GOLT1A: variants seen among roughly 807,000 people sequenced by gnomAD.
GOLT1A encodes the protein golgi transport 1A.
GOLT1A carries 10 observed loss-of-function variants against 16.1 expected under a neutral mutation model. The ratio of observed to expected loss-of-function variants is 0.62; its 90% CI spans 0.38 to 1.05. The LOEUF (loss-of-function observed/expected upper bound fraction) is 1.05, where lower values mean the gene tolerates loss of function less well. Ranked by LOEUF, GOLT1A falls within the 50% of genes least tolerant of loss-of-function variation. The probability of loss-of-function intolerance (pLI) is 0.01; values close to 1 mark genes in which losing one functional copy is unlikely to be tolerated. For missense variants in GOLT1A, 137 were observed against 165.7 expected (o/e 0.83, Z 0.95); for synonymous variants, 60 against 67.9 (o/e 0.88, Z 0.57).
At chr1:204,205,174 T>C (rs1391596070) in intron 1 of GOLT1A, among the ~76,000 whole-genome samples, 1 of 152,242 alleles carries the variant, frequency 6.6e-6, no homozygotes, top group Non-Finnish European at 1.5e-5. Context: ...TGTAGTCTGA[T>C]TGATGTCTTT....
At chr1:204,206,078 A>C (rs935019872) in intron 1 of GOLT1A, among the ~76,000 whole-genome samples, 1 of 152,224 alleles carries the variant, frequency 6.6e-6, no homozygotes, top group African/African-American at 2.4e-5. Flanking sequence ...CTCAAAAAAA[A>C]AGAAAACAGA....
chr1:204,201,999 C>T (rs996857537), intron 2 of GOLT1A, among the ~76,000 whole-genome samples, 188 bp from the exon 3 acceptor site: 4 of 152,146 alleles, frequency 2.6e-5, no homozygotes, highest in African/African-American at 4.8e-5. Flanking sequence ...GGGAACAGGA[C>T]TGCGCAGAGG....
chr1:204,213,745 G>C, intron 1 of GOLT1A, 137 bp downstream of exon 1: 1 of 944,458 alleles, frequency 1.1e-6, no homozygotes, highest in Middle Eastern at 2.8e-4. Flanking sequence ...GCTGCCCCAG[G>C]GTGCCAGCAC....
At chr1:204,200,805 C>A (rs1658944843) in intron 3 of GOLT1A, among the ~76,000 whole-genome samples, 1 of 152,162 alleles carries the variant, frequency 6.6e-6, no homozygotes, top group Non-Finnish European at 1.5e-5. Context: ...AGCCCCACAC[C>A]TTTCCATGAT....
At chr1:204,203,224 T>C (rs928342397) in intron 1 of GOLT1A, among the ~76,000 whole-genome samples, 1 of 152,194 alleles carries the variant, frequency 6.6e-6, no homozygotes, top group Non-Finnish European at 1.5e-5. Flanking sequence ...AGTGGCATGC[T>C]GTCCTCACTG....
At chr1:204,213,781 A>G (rs1343785285) in intron 1 of GOLT1A, 101 bp downstream of exon 1, 3 of 1,348,636 alleles carry the variant, frequency 2.2e-6, no homozygotes, top group African/African-American at 2.9e-5. Context: ...CTGGCTCCAG[A>G]GGTCACGCTT....
chr1:204,200,571 G>A (rs112900642), intron 3 of GOLT1A, among the ~76,000 whole-genome samples: 1,703 of 151,558 alleles, frequency 0.011, 30 homozygotes, highest in African/African-American at 0.029. Flanking sequence ...CAAGTGATCC[G>A]CCTGCCTCGG....
chr1:204,202,514 T>C (rs2102336090), intron 2 of GOLT1A, among the ~76,000 whole-genome samples: 1 of 152,168 alleles, frequency 6.6e-6, no homozygotes, highest in African/African-American at 2.4e-5. Context: ...ATACTAAATG[T>C]GTTTACCATG....
At chr1:204,207,611 A>G (rs1449040717) in intron 1 of GOLT1A, among the ~76,000 whole-genome samples, 4 of 152,228 alleles carry the variant, frequency 2.6e-5, no homozygotes, top group African/African-American at 7.2e-5. Flanking sequence ...CCAAGAAAAC[A>G]ATATCTCATG....
intron 2 of GOLT1A, among the ~76,000 whole-genome samples, chr1:204,202,159 T>C (rs995827059): frequency 7.2e-5 from 11 of 151,886 alleles, no homozygotes; most frequent in East Asian, 3.9e-4. Context: ...GAAGTGAAGA[T>C]TGAGGCCTAA....
intron 1 of GOLT1A, among the ~76,000 whole-genome samples, chr1:204,210,189 G>A (rs531564997): frequency 2.0e-5 from 3 of 152,378 alleles, no homozygotes; most frequent in Admixed American, 6.5e-5. Flanking sequence ...ATGGGCAGGT[G>A]TGAACCATCA....
chr1:204,201,437 T>G (rs1489197618), intron 3 of GOLT1A, among the ~76,000 whole-genome samples, 196 bp downstream of exon 3: 1 of 152,156 alleles, frequency 6.6e-6, no homozygotes, highest in East Asian at 1.9e-4. Context: ...CAGTCGGCAC[T>G]CTATCAGTAT....
chr1:204,202,224 C>T (rs144868680), intron 2 of GOLT1A, among the ~76,000 whole-genome samples: 1 of 151,726 alleles, frequency 6.6e-6, no homozygotes, highest in East Asian at 2.0e-4. Context: ...GCTCCACTGC[C>T]TACAGAATAA....
chr1:204,201,519 T>C (rs1658961032), intron 3 of GOLT1A, 114 bp downstream of exon 3: 1 of 1,091,814 alleles, frequency 9.2e-7, no homozygotes, highest in East Asian at 2.4e-5. Context: ...AAGGTGTCCA[T>C]GGTTCTCATC....
At chr1:204,202,841 G>A in intron 2 of GOLT1A, 55 bp downstream of exon 2, 1 of 1,252,530 alleles carries the variant, frequency 8.0e-7, no homozygotes, top group Non-Finnish European at 1.2e-6. Context: ...CCTGGCAATA[G>A]AGACTTCAGA....
intron 4 of GOLT1A, 55 bp downstream of exon 4, chr1:204,199,140 G>T: frequency 6.9e-7 from 1 of 1,453,144 alleles, no homozygotes; most frequent in South Asian, 1.2e-5. Flanking sequence ...CCCTCCGTGT[G>T]CTCCCCCTCA....
At chr1:204,198,909 G>A (rs967787938) in intron 4 of GOLT1A, 38 of 505,718 alleles carry the variant, frequency 7.5e-5, no homozygotes, top group South Asian at 1.7e-4. Flanking sequence ...GAGTCTCTGC[G>A]TCTTCATTTC....
chr1:204,208,459 C>G (rs1328154991), intron 1 of GOLT1A, among the ~76,000 whole-genome samples: 1 of 36,800 alleles, frequency 2.7e-5, no homozygotes, highest in Non-Finnish European at 5.9e-5. Flanking sequence ...TATATGTATA[C>G]TTGTGTGTGT....
At chr1:204,207,129 C>T (rs1053225527) in intron 1 of GOLT1A, among the ~76,000 whole-genome samples, 2 of 152,240 alleles carry the variant, frequency 1.3e-5, no homozygotes, top group Non-Finnish European at 2.9e-5. Flanking sequence ...GAGGTTACTC[C>T]TAAAGTTCTT....
Sources: gnomAD v4.1 joint callset for allele counts (sites outside exome capture counted in the v4.1 genomes callset) on GRCh38, gnomAD v4.1.1 for gene constraint, MANE v1.5 for transcripts, NCBI Gene and HGNC (gene_info 2026-07-23, HGNC 2026-07-21) for gene names.